The following GRAMD1A variants were observed in gnomAD, a reference collection of about 807,000 sequenced individuals.
GRAMD1A encodes the protein GRAM domain containing 1A.
Under a neutral mutation model 92.0 loss-of-function variants are expected in GRAMD1A, and 50 were observed. The ratio of observed to expected loss-of-function variants is 0.54; its 90% CI spans 0.43 to 0.69. GRAMD1A has a LOEUF of 0.69. Among genes scored for constraint, GRAMD1A ranks in the 30% least tolerant of loss-of-function variants. The pLI, the probability that GRAMD1A is intolerant of heterozygous loss-of-function variation, is 0.00. For missense variants in GRAMD1A, 819 were observed against 978.9 expected (o/e 0.84, Z 2.18); for synonymous variants, 405 against 403.6 (o/e 1.00, Z -0.04).
chr19:34,996,659 A>G (rs540809913), upstream of GRAMD1A, among the ~76,000 whole-genome samples: 1 of 152,240 alleles, frequency 6.6e-6, no homozygotes, highest in East Asian at 1.9e-4. Context: ...ACACAAAATT[A>G]GCCAGCGATG....
At chr19:34,996,065 G>A (rs771189344), upstream of GRAMD1A, 12 of 1,535,318 alleles carry the variant, frequency 7.8e-6, no homozygotes, top group Non-Finnish European at 1.0e-5. Context: ...GACCCTGTTG[G>A]CACAGGGCAG....
At chr19:34,996,822 G>T (rs1371346888), upstream of GRAMD1A, among the ~76,000 whole-genome samples, 1 of 147,256 alleles carries the variant, frequency 6.8e-6, no homozygotes, top group African/African-American at 2.5e-5. Flanking sequence ...AAAAAAAAAA[G>T]AGTGGATGGG....
chr19:34,996,516 T>A (rs1049843140), upstream of GRAMD1A, among the ~76,000 whole-genome samples: 1 of 151,596 alleles, frequency 6.6e-6, no homozygotes, highest in African/African-American at 2.4e-5. Context: ...CTAGTAAGAG[T>A]GGAGGGGAAG....
Position 35,009,250 on chromosome 19 carries a change from G to T in GRAMD1A, c.140G>T (p.Ser47Ile). 1 of 1,614,082 alleles carries T rather than the reference G, an allele frequency of 6.2e-7. No homozygotes were observed. Among genetic ancestry groups the T allele is most frequent in the Non-Finnish European group, 8.5e-7 (1 of 1,179,932 alleles). Residue 47 changes from serine (S) to isoleucine (I), a missense_variant, in exon 2 of 20, where the codon AGC becomes ATC. Coordinates refer to ENST00000317991, the MANE Select transcript of GRAMD1A (RefSeq NM_020895.5). Reference sequence around the variant, plus strand: ...ACCATGGTGGAGAAGGGATCAGATAGCTCCTCAGAGAAGGGTGGGGTGCCT... The same window carrying T: ...ACCATGGTGGAGAAGGGATCAGATATCTCCTCAGAGAAGGGTGGGGTGCCT... ...PGTMVEKGSD[S>I]SSEKGGVPGT...
rs1399909727 is a variant in GRAMD1A at position 35,010,153 on chromosome 19, C to G, written c.387C>G (p.Asn129Lys). The stretch of plus-strand genomic sequence containing the variant: ...AGGGCCGCCTCTACCTCTCTGAGAA[C>G]TGGATCTGCTTCTACAGCAACATCT... ...LLQGRLYLSE[N>K]WICFYSNIFR... is the part of the protein sequence containing the mutation. The change falls in exon 5 of 20, where the codon AAC (asparagine) becomes AAG (lysine). Residue 129 changes from asparagine (N) to lysine (K), a missense_variant. Physicochemically the swap from Asn to Lys is moderately conservative, Grantham distance 94 (BLOSUM62 0). Around this residue, in one of 3 missense-constraint regions of GRAMD1A, gnomAD observed 144 missense variants for 220.3 expected, o/e 0.65. Coordinates refer to ENST00000317991, the MANE Select transcript of GRAMD1A (RefSeq NM_020895.5). 5.0e-6 allele frequency: 8 copies of G among 1,613,276 alleles called. No homozygotes were observed. Among genetic ancestry groups the G allele is most frequent in the Non-Finnish European group, 5.9e-6 (7 of 1,179,292 alleles).
At chr19:35,005,468 G>A (rs1387822114) in intron 1 of GRAMD1A, among the ~76,000 whole-genome samples, 1 of 151,996 alleles carries the variant, frequency 6.6e-6, no homozygotes, top group Non-Finnish European at 1.5e-5. Flanking sequence ...GGGAGAGGGA[G>A]TGCAGGGCTG....
Position 35,019,184 on chromosome 19 carries a change from C to T in GRAMD1A, c.1214-7C>T, listed in dbSNP as rs374597295. 2 of 1,588,566 alleles carry T rather than the reference C, an allele frequency of 1.3e-6. No homozygotes were observed. The highest frequency in any genetic ancestry group is 1.7e-6 in the Non-Finnish European group (2 of 1,159,030). On this transcript the variant is annotated splice_region_variant and splice_polypyrimidine_tract_variant and intron_variant, in intron 11 of 19. Transcript: ENST00000317991. ...TGGCCTCCTCATGCTGCTCCTCCCT[C>T]CTCTAGACGTGACGCTGAGCCCCTG...
chr19:35,005,981 T>C (rs2014784680), intron 1 of GRAMD1A: 1 of 456,132 alleles, frequency 2.2e-6, no homozygotes, highest in Admixed American at 2.3e-5. Context: ...GAATCCCACC[T>C]GCACCCCAGA....
At chr19:35,022,699 T>TGGAGCCTGCAGGAG (rs1568340132) in intron 16 of GRAMD1A, among the ~76,000 whole-genome samples, 1 of 152,030 alleles carries the variant, frequency 6.6e-6, no homozygotes, top group Non-Finnish European at 1.5e-5. Context: ...AGAAGCAGGA[T>TGGAGCCTGCAGGAG]CCCGGGGTTG....
rs376477989 is a variant in GRAMD1A at position 35,011,487 on chromosome 19, C to A, written c.539C>A (p.Ser180Tyr). The change falls in exon 7 of 20, where the codon TCC becomes TAC. Residue 180 changes from serine to tyrosine, a missense_variant. Physicochemically the swap from Ser to Tyr is moderately radical, Grantham distance 144 (BLOSUM62 -2). Transcript: ENST00000317991. Reference sequence around the variant, plus strand: ...TCTCCCTGACAGCATTTCTTCACTTCCTTTGGGGCCCGTGACCGCTGCTTC... The same window carrying A: ...TCTCCCTGACAGCATTTCTTCACTTACTTTGGGGCCCGTGACCGCTGCTTC... ...CTESEKHFFTSFGARDRCFLL... is the reference protein window; with the variant it reads ...CTESEKHFFTYFGARDRCFLL... 6.2e-7 allele frequency: 1 copy of A among 1,610,416 alleles called. No individual in the cohort carries two copies. Among genetic ancestry groups the A allele is most frequent in the Non-Finnish European group, 8.5e-7 (1 of 1,179,092 alleles).
chr19:35,023,498 T>C lies in GRAMD1A; in HGVS notation c.2033T>C (p.Val678Ala). ...CAGAAGCAATTCCACAGCGTGGAGG[T>C]GCACAAGTGGAGGCAGATCCTGCGG... ...ALQKQFHSVE[V>A]HKWRQILRAS... Residue 678 changes from valine (V) to alanine (A), a missense_variant, in exon 19 of 20, where the codon GTG becomes GCG. Coordinates refer to ENST00000317991, the MANE Select transcript of GRAMD1A (RefSeq NM_020895.5). 1 of 1,584,882 alleles carries C rather than the reference T, an allele frequency of 6.3e-7. No individual in the cohort carries two copies. The highest frequency in any genetic ancestry group is 1.1e-5 in the South Asian group (1 of 88,358).
rs2151724714 is a variant in GRAMD1A, at chr19:35,016,460, G to A, written c.1213+493G>A. Reference sequence around the variant, plus strand: ...AAAAATACAAAAATCAGCTAGGTGTGGTGGCACACACCTATAGTCCCAGCT... The same window carrying A: ...AAAAATACAAAAATCAGCTAGGTGTAGTGGCACACACCTATAGTCCCAGCT... On this transcript the variant is annotated intron_variant, in intron 11 of 19. Transcript: ENST00000317991. 1.3e-5 allele frequency among the ~76,000 whole-genome samples: 2 copies of A among 151,618 alleles called. 1 individual carries two copies. Among genetic ancestry groups the A allele is most frequent in the East Asian group, 3.9e-4 (2 of 5,094 alleles).
chr19:35,004,154 A>G (rs1372532864), intron 1 of GRAMD1A, among the ~76,000 whole-genome samples: 2 of 152,116 alleles, frequency 1.3e-5, no homozygotes, highest in African/African-American at 4.8e-5. Context: ...GCTTGAGCCC[A>G]AGAGTTCGGG....
intron 9 of GRAMD1A, 59 bp from the exon 10 acceptor site, chr19:35,014,130 T>C: frequency 6.7e-7 from 1 of 1,483,818 alleles, no homozygotes; most frequent in Non-Finnish European, 9.4e-7. Flanking sequence ...CAGTGTGGAC[T>C]TGGGAGCCCT....
At position 35,010,502 on chromosome 19, in the gene GRAMD1A, TTC is replaced by T. The variant is rs569815315; in HGVS notation, c.525+126_525+127del. Reference sequence around the variant, plus strand: ...TCTCCGAGCTGTCCCCTTCTCTCTGTTCTCCCGGCCCAGGCGCCCATCACCCC... The same window carrying T: ...TCTCCGAGCTGTCCCCTTCTCTCTGTTCCCGGCCCAGGCGCCCATCACCCC... On this transcript the variant is annotated intron_variant, in intron 6 of 19. Transcript: ENST00000317991. 3.9e-4 allele frequency: 268 copies of T among 695,402 alleles called. 6 individuals are homozygous for T. In the South Asian group the frequency reaches 4.2e-3, roughly 11 times the overall value. 43.1% of individuals were successfully genotyped at this position (695,402 alleles called of 1,614,324 possible). A position where few individuals can be genotyped will look rare whatever the true frequency, so the allele number is the denominator to read the frequency against.
At chr19:35,024,447 C>T (rs150896639) in intron 19 of GRAMD1A, among the ~76,000 whole-genome samples, 3 of 148,068 alleles carry the variant, frequency 2.0e-5, no homozygotes, top group Non-Finnish European at 2.9e-5. Flanking sequence ...CCAGCAGTTG[C>T]GGTGGGTCAG....
upstream of GRAMD1A, among the ~76,000 whole-genome samples, chr19:34,997,281 G>A (rs746992191): frequency 4.0e-5 from 6 of 151,068 alleles, no homozygotes; most frequent in Non-Finnish European, 5.9e-5. Flanking sequence ...GCCTAATGAG[G>A]GTAAGTGTGG....
chr19:35,016,362 C>T (rs145986611), intron 11 of GRAMD1A, among the ~76,000 whole-genome samples: 2 of 151,842 alleles, frequency 1.3e-5, no homozygotes, highest in Non-Finnish European at 2.9e-5. Flanking sequence ...TTTGGGAGGC[C>T]GAGGTGGGCA....
intron 6 of GRAMD1A, chr19:35,010,674 GTGTCC>G (rs2015170063): frequency 3.4e-6 from 2 of 584,306 alleles, no homozygotes; most frequent in Non-Finnish European, 6.1e-6. Context: ...CCCCGATGTT[GTGTCC>G]TGTCCCTGTC....
Sources: gnomAD v4.1 joint callset for allele counts (sites outside exome capture counted in the v4.1 genomes callset) on GRCh38, gnomAD v4.1.1 for gene constraint, gnomAD v4.1.1 regional missense constraint, MANE v1.5 for transcripts, NCBI Gene and HGNC (gene_info 2026-07-23, HGNC 2026-07-21) for gene names.